The following DCC variants were observed in gnomAD, a reference collection of about 807,000 sequenced individuals.
The protein encoded by DCC is netrin receptor DCC.
A neutral mutation model predicts 172.5 loss-of-function variants in DCC; 58 were observed. That is an observed-to-expected ratio of 0.34 (90% CI 0.27 to 0.42). The LOEUF is 0.42. Among genes scored for constraint, DCC ranks in the 10% least tolerant of loss-of-function variants. The pLI is 1.00. For missense variants in DCC, 1,740 were observed against 1,791.0 expected (o/e 0.97, Z 0.51); for synonymous variants, 709 against 644.5 (o/e 1.10, Z -1.52).
rs2057792112 is a variant in DCC, at chr18:53,351,303, A to ATATATATATATATATATATAG, written c.2359+11408_2359+11409insTATATATAGTATATATATATA. ...CTCATTGAGTACAGTATATATATATATATATATATATACACTGTATATATA... is the reference window on the plus strand; with the variant it reads ...CTCATTGAGTACAGTATATATATATATATATATATATATATATATAGTATATATATATACACTGTATATATA... On this transcript the variant is annotated intron_variant, in intron 15 of 28. Transcript: ENST00000442544. 6.7e-5 allele frequency among the ~76,000 whole-genome samples: 2 copies of ATATATATATATATATATATAG among 29,826 alleles called. 1 individual carries two copies. Among genetic ancestry groups the ATATATATATATATATATATAG allele is most frequent in the Non-Finnish European group, 2.1e-4 (2 of 9,396 alleles). The allele number at this position is 29,826 out of a possible 152,430, so 19.6% of individuals were successfully genotyped here. A position where few individuals can be genotyped will look rare whatever the true frequency, so the allele number is the denominator to read the frequency against.
At chr18:52,826,616 G>A (rs995453220) in intron 2 of DCC, among the ~76,000 whole-genome samples, 2 of 152,072 alleles carry the variant, frequency 1.3e-5, no homozygotes, top group African/African-American at 4.8e-5. Context: ...GCGTAGCTGG[G>A]ACTGTGCGTG....
intron 5 of DCC, among the ~76,000 whole-genome samples, chr18:52,938,398 A>C (rs534487607): frequency 6.6e-6 from 1 of 152,284 alleles, no homozygotes; most frequent in Admixed American, 6.5e-5. Context: ...TAAGCTGTAC[A>C]TCCTAGTTGT....
intron 1 of DCC, among the ~76,000 whole-genome samples, chr18:52,455,036 C>T (rs936165636): frequency 4.6e-5 from 7 of 152,106 alleles, no homozygotes; most frequent in African/African-American, 1.7e-4. Context: ...TAGCATTAAA[C>T]TATATATTAT....
At position 52,383,390 on chromosome 18, in the gene DCC, A is replaced by G. The variant is rs192713305; in HGVS notation, c.91+42512A>G. ...AGTGTTTTATATTAATTATATTTTT[A>G]TGTGATGGTTAGACAACTGTACTTC... is the stretch of plus-strand genomic sequence containing the variant. On this transcript the variant is annotated intron_variant, in intron 1 of 28. Coordinates refer to ENST00000442544, the MANE Select transcript of DCC (RefSeq NM_005215.4). Among the ~76,000 whole-genome samples, 12 of 152,116 alleles carry G rather than the reference A, an allele frequency of 7.9e-5. 1 individual carries two copies. In the East Asian group the frequency reaches 2.3e-3, roughly 29 times the overall value.
At chr18:52,879,242 A>C (rs956940255) in intron 2 of DCC, among the ~76,000 whole-genome samples, 1 of 151,876 alleles carries the variant, frequency 6.6e-6, no homozygotes, top group African/African-American at 2.4e-5. Flanking sequence ...TAAAAGTTTC[A>C]TTTGAGGGAA....
At chr18:53,435,892 G>GTC (rs1335968538) in intron 22 of DCC, among the ~76,000 whole-genome samples, 2 of 152,038 alleles carry the variant, frequency 1.3e-5, no homozygotes, top group East Asian at 3.8e-4. Context: ...GACTAATACT[G>GTC]GCCAAATTTT....
At chr18:53,448,137 T>C (rs953462230) in intron 22 of DCC, among the ~76,000 whole-genome samples, 1 of 150,892 alleles carries the variant, frequency 6.6e-6, no homozygotes, top group South Asian at 2.1e-4. Flanking sequence ...AAGTACTGGG[T>C]TATTATATTA....
intron 2 of DCC, among the ~76,000 whole-genome samples, chr18:52,878,280 A>G (rs1477260459): frequency 6.6e-6 from 1 of 152,200 alleles, no homozygotes; most frequent in African/African-American, 2.4e-5. Context: ...CTAACTTTCA[A>G]GAAACCCTAC....
intron 5 of DCC, among the ~76,000 whole-genome samples, chr18:52,999,242 G>T (rs1030427548): frequency 1.3e-5 from 2 of 151,912 alleles, no homozygotes; most frequent in Non-Finnish European, 2.9e-5. Context: ...AAGACAGCAT[G>T]CTTCTAACTG....
At chr18:52,868,500 G>T (rs1193527994) in intron 2 of DCC, among the ~76,000 whole-genome samples, 1 of 152,202 alleles carries the variant, frequency 6.6e-6, no homozygotes, top group African/African-American at 2.4e-5. Flanking sequence ...GACAGTAAGA[G>T]AAATTTGACA....
chr18:52,700,396 T>C (rs1381900607), intron 1 of DCC, among the ~76,000 whole-genome samples: 2 of 149,020 alleles, frequency 1.3e-5, no homozygotes, highest in Non-Finnish European at 3.0e-5. Flanking sequence ...CTCATGCACA[T>C]GCACACACAC....
chr18:52,422,189 A>G (rs931999033), intron 1 of DCC, among the ~76,000 whole-genome samples: 1 of 152,210 alleles, frequency 6.6e-6, no homozygotes, highest in Non-Finnish European at 1.5e-5. Flanking sequence ...ATGAATGGAC[A>G]CAAATGACAA....
At chr18:52,806,869 A>G (rs1296507304) in intron 2 of DCC, among the ~76,000 whole-genome samples, 1 of 152,140 alleles carries the variant, frequency 6.6e-6, no homozygotes, top group Non-Finnish European at 1.5e-5. Flanking sequence ...ATGAGGGGGA[A>G]CTTTTGACCT....
chr18:52,406,538 G>A (rs888311480), intron 1 of DCC, among the ~76,000 whole-genome samples: 9 of 152,028 alleles, frequency 5.9e-5, no homozygotes, highest in African/African-American at 1.9e-4. Flanking sequence ...TGCTTAATTC[G>A]GACTCTGGAT....
chr18:52,548,984 A>G (rs976027867), intron 1 of DCC, among the ~76,000 whole-genome samples: 3 of 152,122 alleles, frequency 2.0e-5, no homozygotes, highest in Admixed American at 6.6e-5. Flanking sequence ...TTCTTCCTAC[A>G]CATATTTCCC....
intron 1 of DCC, among the ~76,000 whole-genome samples, chr18:52,711,329 G>A (rs1599038386): frequency 6.6e-6 from 1 of 152,118 alleles, no homozygotes; most frequent in East Asian, 1.9e-4. Context: ...CCGGGTTCAA[G>A]TGATTCTCCT....
Position 52,925,083 on chromosome 18 carries a change from C to T in DCC, c.849-151C>T. 9.4e-6 allele frequency: 7 copies of T among 741,274 alleles called. No homozygotes were observed. In the South Asian group the frequency reaches 1.1e-4, roughly 12 times the overall value. The allele number at this position is 741,274 out of a possible 1,614,324, so 45.9% of individuals were successfully genotyped here. ...GTTTACCTTGAGTGAATTTTTGGAT[C>T]AATAAGTGAGACTTTAATCAAGCCC... On this transcript the variant is annotated intron_variant, in intron 4 of 28. Coordinates refer to ENST00000442544, the MANE Select transcript of DCC (RefSeq NM_005215.4).
chr18:52,810,535 G>A lies in DCC; in HGVS notation c.412+58161G>A, dbSNP rs145205743. Among the ~76,000 whole-genome samples, 657 of 152,308 alleles carry A rather than the reference G, an allele frequency of 4.3e-3. 1 individual carries two copies. Among genetic ancestry groups the A allele is most frequent in the Non-Finnish European group, 7.4e-3 (504 of 68,020 alleles). On this transcript the variant is annotated intron_variant, in intron 2 of 28. Coordinates refer to ENST00000442544, the MANE Select transcript of DCC (RefSeq NM_005215.4). ...AGTGCATGATGAGACAGCTTTCAGT[G>A]GAGAGGGGGACATAGGGATGTTCCC...
intron 1 of DCC, among the ~76,000 whole-genome samples, chr18:52,521,673 C>A (rs2031822934): frequency 6.6e-6 from 1 of 152,056 alleles, no homozygotes; most frequent in South Asian, 2.1e-4. Context: ...GGGAGGTATA[C>A]AGGAATCTGG....
Sources: allele counts gnomAD v4.1 joint callset (sites outside exome capture counted in the v4.1 genomes callset), GRCh38; gene constraint gnomAD v4.1.1; transcripts MANE v1.5; gene names NCBI Gene and HGNC (gene_info 2026-07-23, HGNC 2026-07-21).